The following ATP8B3 variants were observed in gnomAD, a reference collection of about 807,000 sequenced individuals.
ATP8B3 encodes ATPase phospholipid transporting 8B3, also known as phospholipid-transporting ATPase IK.
In ATP8B3, 141 loss-of-function variants were observed where a neutral mutation model predicts 140.9. That is an observed-to-expected ratio of 1.00 (90% CI 0.87 to 1.15). ATP8B3 has a LOEUF of 1.15. Ranked by LOEUF, ATP8B3 falls within the 50% of genes most tolerant of loss-of-function variation. The pLI, the probability that ATP8B3 is intolerant of heterozygous loss-of-function variation, is 0.00. For synonymous variants in ATP8B3, 765 were observed against 714.6 expected, an observed-to-expected ratio of 1.07 and a Z score of -1.13; for missense variants, 1,874 against 1,740.6, an observed-to-expected ratio of 1.08 and a Z score of -1.36.
Position 1,799,779 on chromosome 19 carries a change from A to T in ATP8B3, c.1552+168T>A, listed in dbSNP as rs1043849130. 179 of 679,390 alleles carry T rather than the reference A, an allele frequency of 2.6e-4. 1 individual carries two copies. Among genetic ancestry groups the T allele is most frequent in the African/African-American group, 1.8e-3 (101 of 54,760 alleles). 42.1% of individuals were successfully genotyped at this position (679,390 alleles called of 1,614,324 possible). A position where few individuals can be genotyped will look rare whatever the true frequency, so the allele number is the denominator to read the frequency against. On this transcript the variant is annotated intron_variant, in intron 14 of 28. Coordinates refer to ENST00000310127, the MANE Select transcript of ATP8B3 (RefSeq NM_138813.4). ...GACTCTGCCTCAAAAAAAAAAAAAA[A>T]TTTTCCTGGCCCCCTCCAAAGGAAA...
intron 18 of ATP8B3, among the ~76,000 whole-genome samples, chr19:1,793,589 GAGGAA>G (rs1032171547): frequency 1.3e-4 from 20 of 152,322 alleles, no homozygotes; most frequent in African/African-American, 4.6e-4. Context: ...TAGGGGCTGG[GAGGAA>G]ACTGGGCAGG....
chr19:1,808,772 T>C (rs2069103360), intron 4 of ATP8B3, among the ~76,000 whole-genome samples: 1 of 152,174 alleles, frequency 6.6e-6, no homozygotes, highest in African/African-American at 2.4e-5. Context: ...TCAGGTTGGG[T>C]ATTAACTGAC....
At chr19:1,790,172 T>TCC (rs2068449737) in intron 21 of ATP8B3, among the ~76,000 whole-genome samples, 183 bp from the exon 22 acceptor site, 2 of 89,612 alleles carry the variant, frequency 2.2e-5, no homozygotes, top group African/African-American at 8.9e-5. Flanking sequence ...CCCCTTCCCC[T>TCC]CCACTGCCCA....
Position 1,800,114 on chromosome 19 carries a change from C to A in ATP8B3, c.1385G>T (p.Trp462Leu). 6.4e-7 allele frequency: 1 copy of A among 1,564,076 alleles called. No individual in the cohort carries two copies. The highest frequency in any genetic ancestry group is 1.2e-5 in the South Asian group (1 of 85,478). Residue 462 changes from tryptophan (W) to leucine (L), a missense_variant, in exon 14 of 29, where the codon TGG becomes TTG. Around this residue, in one of 3 missense-constraint regions of ATP8B3, gnomAD observed 1,032 missense variants for 963.6 expected, o/e 1.07. Coordinates refer to ENST00000310127, the MANE Select transcript of ATP8B3 (RefSeq NM_138813.4). The surrounding 1 kb of genome is among the most constrained non-coding windows in gnomAD (Gnocchi z 4.4). ...CGGCTTGTAGTACATCTGCACGTCCCAGTCGATGAAGACGCTGTTCCCCAG... is the reference window on the plus strand; with the variant it reads ...CGGCTTGTAGTACATCTGCACGTCCAAGTCGATGAAGACGCTGTTCCCCAG... Reference protein sequence around the residue: ...IYLGNSVFIDWDVQMYYKPQD... With the variant: ...IYLGNSVFIDLDVQMYYKPQD...
Position 1,806,283 on chromosome 19 carries a change from G to A in ATP8B3, c.678-114C>T, listed in dbSNP as rs2069015925. On this transcript the variant is annotated intron_variant, in intron 7 of 28. Coordinates refer to ENST00000310127, the MANE Select transcript of ATP8B3 (RefSeq NM_138813.4). This position sits in a 1 kb window ranked among gnomAD's most constrained non-coding sequence, Gnocchi z 5.6. ...CCGCAGCTGCAGTCCCCACCTCCGG[G>A]CCTTTGCCCCCTCAGGAAGCCTTCC... is the stretch of plus-strand genomic sequence containing the variant. The A allele has an allele frequency of 2.7e-6, 4 of 1,503,762 alleles. No individual in the cohort carries two copies. The highest frequency in any genetic ancestry group is 3.5e-6 in the Non-Finnish European group (4 of 1,130,098). 93.2% of individuals were successfully genotyped at this position (1,503,762 alleles called of 1,614,324 possible). A position where few individuals can be genotyped will look rare whatever the true frequency, so the allele number is the denominator to read the frequency against.
chr19:1,801,854 C>A, intron 12 of ATP8B3, 102 bp downstream of exon 12: 1 of 850,024 alleles, frequency 1.2e-6, no homozygotes. Context: ...CAGGATCAGG[C>A]CGCACATTTT....
At position 1,783,010 on chromosome 19, in the gene ATP8B3, G is replaced by A; in HGVS notation, c.*18C>T. 1 of 1,589,498 alleles carries A rather than the reference G, an allele frequency of 6.3e-7. No individual in the cohort carries two copies. Among genetic ancestry groups the A allele is most frequent in the South Asian group, 1.1e-5 (1 of 87,332 alleles). On this transcript the variant is annotated 3_prime_UTR_variant, in exon 29 of 29. Transcript: ENST00000310127. ...GCTGGTGCTTCTTCTTCCCCAGGAAGGACATCTTCCTGAGGTGTCACTGTG... is the reference window on the plus strand; with the variant it reads ...GCTGGTGCTTCTTCTTCCCCAGGAAAGACATCTTCCTGAGGTGTCACTGTG...
rs909942478 is a variant in ATP8B3, at chr19:1,800,777, C to T, written c.1153-328G>A. On this transcript the variant is annotated intron_variant, in intron 12 of 28. Transcript: ENST00000310127. This position sits in a 1 kb window ranked among gnomAD's most constrained non-coding sequence, Gnocchi z 4.4. ...AGGCTGCAGTGAGATATCATGGCGC[C>T]ACTGCACTCCATCCTGGGCAATAGA... Among the ~76,000 whole-genome samples, 4 of 152,048 alleles carry T rather than the reference C, an allele frequency of 2.6e-5. No individual in the cohort carries two copies. The highest frequency in any genetic ancestry group is 9.7e-5 in the African/African-American group (4 of 41,380).
Position 1,807,327 on chromosome 19 carries a change from C to T in ATP8B3, c.517-61G>A. ...CCCACTCCCCCGTCCCCTGCCCTTC[C>T]ACCAAGCCGACCTAGCCCCGCACTC... On this transcript the variant is annotated intron_variant, in intron 5 of 28. Coordinates refer to ENST00000310127, the MANE Select transcript of ATP8B3 (RefSeq NM_138813.4). This position sits in a 1 kb window ranked among gnomAD's most constrained non-coding sequence, Gnocchi z 5.9. The T allele has an allele frequency of 7.0e-7, 1 of 1,422,254 alleles. No homozygotes were observed. The highest frequency in any genetic ancestry group is 9.8e-7 in the Non-Finnish European group (1 of 1,015,976). The allele number at this position is 1,422,254 out of a possible 1,614,324, so 88.1% of individuals were successfully genotyped here.
rs188966412 is a variant in ATP8B3 at position 1,799,532 on chromosome 19, G to A, written c.1552+415C>T. On this transcript the variant is annotated intron_variant, in intron 14 of 28. Coordinates refer to ENST00000310127, the MANE Select transcript of ATP8B3 (RefSeq NM_138813.4). ...TGTAATCCCAGCACTTTGGGAGGCC[G>A]AGGCAGGTGGATCGCCGGAGGCCAG... 957 of 366,284 alleles carry A rather than the reference G, an allele frequency of 2.6e-3. 2 individuals carry two copies. Among genetic ancestry groups the A allele is most frequent in the Middle Eastern group, 3.6e-3 (5 of 1,402 alleles). 22.7% of individuals were successfully genotyped at this position (366,284 alleles called of 1,614,324 possible).
rs1443433960 is a variant in ATP8B3 at position 1,806,228 on chromosome 19, G to C, written c.678-59C>G. On this transcript the variant is annotated intron_variant, in intron 7 of 28. Coordinates refer to ENST00000310127, the MANE Select transcript of ATP8B3 (RefSeq NM_138813.4). This position sits in a 1 kb window ranked among gnomAD's most constrained non-coding sequence, Gnocchi z 5.6. ...CCCTCTGCCAACCCTCCCCACACCG[G>C]GAGACCAGAGGCACGGGATGACGGG... 10 of 1,546,074 alleles carry C rather than the reference G, an allele frequency of 6.5e-6. No individual in the cohort carries two copies. The highest frequency in any genetic ancestry group is 4.0e-4 in the Middle Eastern group (2 of 5,032).
chr19:1,809,719 A>T lies in ATP8B3; in HGVS notation c.326T>A (p.Val109Asp), dbSNP rs778565523. Reference sequence around the variant, plus strand: ...GTTGTAGGCACGGTTGTTGGCCTGGACCTTCCAGGTGAATGCTGCAGCGAG... The same window carrying T: ...GTTGTAGGCACGGTTGTTGGCCTGGTCCTTCCAGGTGAATGCTGCAGCGAG... ...EDRNSAFTWK[V>D]QANNRAYNGQ... Residue 109 changes from valine to aspartate, a missense_variant, in exon 4 of 29, where the codon GTC becomes GAC. Val to Asp is a radical substitution (Grantham distance 152, BLOSUM62 -3). This residue lies in a region of ATP8B3 where 1,032 missense variants were observed against 963.6 expected (regional missense o/e 1.07). Transcript: ENST00000310127. The T allele has an allele frequency of 6.2e-7, 1 of 1,609,330 alleles. No homozygotes were observed. Among genetic ancestry groups the T allele is most frequent in the Non-Finnish European group, 8.5e-7 (1 of 1,178,232 alleles).
chr19:1,796,331 G>C (rs975010209), intron 16 of ATP8B3, 66 bp from the exon 17 acceptor site: 3 of 1,397,920 alleles, frequency 2.1e-6, no homozygotes, highest in African/African-American at 2.8e-5. Flanking sequence ...ACAGTGCAGG[G>C]AGGAGATGGG....
At chr19:1,791,076 T>G (rs1205365105) in intron 20 of ATP8B3, among the ~76,000 whole-genome samples, 1 of 152,194 alleles carries the variant, frequency 6.6e-6, no homozygotes, top group African/African-American at 2.4e-5. Context: ...GAGGCCAGGA[T>G]CAGCAGGCAC....
chr19:1,802,707 CA>C (rs2068894210), intron 10 of ATP8B3, 62 bp from the exon 11 acceptor site: 1 of 1,546,494 alleles, frequency 6.5e-7, no homozygotes, highest in South Asian at 1.2e-5. Flanking sequence ...AGGTTCCCTG[CA>C]CCGGGTGCAG....
Position 1,806,752 on chromosome 19 carries a change from T to G in ATP8B3, c.616-63A>C. 5 of 1,520,780 alleles carry G rather than the reference T, an allele frequency of 3.3e-6. No individual in the cohort carries two copies. The highest frequency in any genetic ancestry group is 4.5e-6 in the Non-Finnish European group (5 of 1,120,828). 94.2% of individuals were successfully genotyped at this position (1,520,780 alleles called of 1,614,324 possible). A position where few individuals can be genotyped will look rare whatever the true frequency, so the allele number is the denominator to read the frequency against. On this transcript the variant is annotated intron_variant, in intron 6 of 28. Transcript: ENST00000310127. This position sits in a 1 kb window ranked among gnomAD's most constrained non-coding sequence, Gnocchi z 5.6. ...CCTCTCCTGCCCCCGCCCAGGCCGC[T>G]GCCGCACTGCAGCCCAGCAGTGCCC...
chr19:1,806,078 G>A lies in ATP8B3; in HGVS notation c.750+19C>T, dbSNP rs199687607. 143 of 1,601,636 alleles carry A rather than the reference G, an allele frequency of 8.9e-5. No individual in the cohort carries two copies. The African/African-American group carries it at 1.4e-3, about 15-fold the overall frequency. On this transcript the variant is annotated intron_variant, in intron 8 of 28. Transcript: ENST00000310127. The surrounding 1 kb of genome is among the most constrained non-coding windows in gnomAD (Gnocchi z 5.6). ...AGGGGGCGCGTGGTTCTGGGACCTC[G>A]GGGTCAACCCCAGCTCACTGGGACG...
Position 1,811,765 on chromosome 19 carries a change from G to A in ATP8B3, c.-29C>T. ...CCGCATGAGGAAAAGGGAGGTTCAG[G>A]GCGAAGAGGGGTTTAGGCTGTGGGA... On this transcript the variant is annotated 5_prime_UTR_variant, in exon 2 of 29. Coordinates refer to ENST00000310127, the MANE Select transcript of ATP8B3 (RefSeq NM_138813.4). The A allele has an allele frequency of 1.9e-6, 3 of 1,555,490 alleles. No homozygotes were observed. Among genetic ancestry groups the A allele is most frequent in the Non-Finnish European group, 2.6e-6 (3 of 1,156,042 alleles).
At chr19:1,785,919 C>T (rs1204795444) in intron 25 of ATP8B3, among the ~76,000 whole-genome samples, 2 of 151,212 alleles carry the variant, frequency 1.3e-5, no homozygotes, top group Non-Finnish European at 1.5e-5. Context: ...TCGCTTAAGG[C>T]CAGGAGTTTG....
Sources: gnomAD v4.1 joint callset for allele counts (sites outside exome capture counted in the v4.1 genomes callset) on GRCh38, gnomAD v4.1.1 for gene constraint, gnomAD v4.1.1 regional missense constraint, Gnocchi (gnomAD v3.1) non-coding constraint, MANE v1.5 for transcripts, NCBI Gene and HGNC (gene_info 2026-07-23, HGNC 2026-07-21) for gene names.